SPIRE2: variants seen among roughly 807,000 people sequenced by gnomAD.
SPIRE2 encodes the protein spire type actin nucleation factor 2, also known as protein spire homolog 2.
Under a neutral mutation model 80.7 loss-of-function variants are expected in SPIRE2, and 76 were observed. The ratio of observed to expected loss-of-function variants is 0.94; its 90% confidence interval spans 0.78 to 1.14. SPIRE2 has a LOEUF of 1.14. SPIRE2 is among the 50% of genes most tolerant of loss of function. The probability of loss-of-function intolerance (pLI) is 0.00; values close to 1 mark genes in which losing one functional copy is unlikely to be tolerated. For synonymous variants in SPIRE2, 535 were observed against 432.6 expected, an observed-to-expected ratio of 1.24 and a Z score of -2.94; for missense variants, 1,196 against 1,015.3, an observed-to-expected ratio of 1.18 and a Z score of -2.42.
At chr16:89,844,639 C>G (rs927539639) in intron 1 of SPIRE2, among the ~76,000 whole-genome samples, 1 of 152,130 alleles carries the variant, frequency 6.6e-6, no homozygotes, top group African/African-American at 2.4e-5. Flanking sequence ...GGGGTTTCAC[C>G]GTGTTAGCCA....
chr16:89,830,155 C>T (rs976402921), intron 1 of SPIRE2, among the ~76,000 whole-genome samples: 3 of 151,246 alleles, frequency 2.0e-5, no homozygotes, highest in African/African-American at 7.3e-5. Flanking sequence ...CAGCCGCCTG[C>T]TTCCTGTTGG....
chr16:89,867,751 A>T (rs916254341), intron 12 of SPIRE2, among the ~76,000 whole-genome samples: 2 of 151,652 alleles, frequency 1.3e-5, no homozygotes, highest in African/African-American at 4.8e-5. Context: ...CGCCCAACTC[A>T]TTTTTGTATT....
At chr16:89,839,881 G>T (rs973588179) in intron 1 of SPIRE2, among the ~76,000 whole-genome samples, 2 of 152,232 alleles carry the variant, frequency 1.3e-5, no homozygotes, top group Admixed American at 6.5e-5. Flanking sequence ...GGCCCTGGTG[G>T]CCTCACTGCC....
At chr16:89,857,569 C>A (rs1331917362) in intron 7 of SPIRE2, among the ~76,000 whole-genome samples, 1 of 151,370 alleles carries the variant, frequency 6.6e-6, no homozygotes, top group Non-Finnish European at 1.5e-5. Flanking sequence ...TTTTTCTTTT[C>A]TTTTCCTTTT....
chr16:89,842,072 T>C (rs1449560334), intron 1 of SPIRE2, among the ~76,000 whole-genome samples: 1 of 151,966 alleles, frequency 6.6e-6, no homozygotes. Context: ...CTGAGTTTTA[T>C]AACATCCTGG....
chr16:89,845,755 C>T (rs991299626), intron 2 of SPIRE2: 4 of 609,866 alleles, frequency 6.6e-6, no homozygotes, highest in South Asian at 3.8e-5. Context: ...AAACCCCACC[C>T]GACCAAAACT....
intron 1 of SPIRE2, among the ~76,000 whole-genome samples, chr16:89,842,492 C>T (rs895851067): frequency 6.6e-6 from 1 of 152,170 alleles, no homozygotes; most frequent in Non-Finnish European, 1.5e-5. Flanking sequence ...GGATTACAGG[C>T]GTGAGCCACC....
At chr16:89,845,202 G>A (rs1302474398) in intron 1 of SPIRE2, 120 bp from the exon 2 acceptor site, 21 of 899,942 alleles carry the variant, frequency 2.3e-5, no homozygotes, top group Non-Finnish European at 2.6e-5. Flanking sequence ...TGAGCTTTCT[G>A]GTGTTCCGGC....
chr16:89,865,085 T>A (rs2041777958), intron 12 of SPIRE2, among the ~76,000 whole-genome samples: 1 of 151,228 alleles, frequency 6.6e-6, no homozygotes, highest in Non-Finnish European at 1.5e-5. Flanking sequence ...TGGCTCACTG[T>A]AAGCTCCGCC....
Position 89,863,536 on chromosome 16 carries a change from C to T in SPIRE2, c.1636C>T (p.Arg546Cys), listed in dbSNP as rs142258282. ...LTVEEVMDVRRVLVKAEMEKF... is the reference protein window; with the variant it reads ...LTVEEVMDVRCVLVKAEMEKF... ...TGTGGAAGAGGTGATGGACGTGCGCCGTGTGCTGGTGAAGGCCGAGATGGA... is the reference window on the plus strand; with the variant it reads ...TGTGGAAGAGGTGATGGACGTGCGCTGTGTGCTGGTGAAGGCCGAGATGGA... Residue 546 changes from arginine (R) to cysteine (C), a missense_variant, in exon 11 of 15, where the codon CGT (arginine) becomes TGT (cysteine). Physicochemically the swap from Arg to Cys is radical, Grantham distance 180 (BLOSUM62 -3). Coordinates refer to ENST00000378247, the MANE Select transcript of SPIRE2 (RefSeq NM_032451.2). The surrounding 1 kb of genome is among the most constrained non-coding windows in gnomAD (Gnocchi z 4.3). 157 of 1,613,944 alleles carry T rather than the reference C, an allele frequency of 9.7e-5. No individual in the cohort carries two copies. Among genetic ancestry groups the T allele is most frequent in the Non-Finnish European group, 1.2e-4 (146 of 1,180,038 alleles).
chr16:89,841,537 C>T (rs959497639), intron 1 of SPIRE2, among the ~76,000 whole-genome samples: 2 of 152,090 alleles, frequency 1.3e-5, no homozygotes, highest in Non-Finnish European at 2.9e-5. Flanking sequence ...GGGTTGCTTG[C>T]TGTGGTCTGG....
In SPIRE2 at chr16:89,852,975, G is replaced by C. The variant is rs1204634849; in HGVS notation, c.646-1311G>C. ...CTTCCATCCTCCCTCTCACCCCCCGGATCCCATGGCCCGTCTTCCATCCTC... is the reference window on the plus strand; with the variant it reads ...CTTCCATCCTCCCTCTCACCCCCCGCATCCCATGGCCCGTCTTCCATCCTC... On this transcript the variant is annotated intron_variant, in intron 3 of 14. Transcript: ENST00000378247. 1.0e-3 allele frequency among the ~76,000 whole-genome samples: 76 copies of C among 73,336 alleles called. 1 individual carries two copies. Among genetic ancestry groups the C allele is most frequent in the South Asian group, 2.1e-3 (4 of 1,884 alleles). The allele number at this position is 73,336 out of a possible 152,430, so 48.1% of individuals were successfully genotyped here.
intron 2 of SPIRE2, among the ~76,000 whole-genome samples, chr16:89,847,456 C>A (rs1282190228): frequency 6.6e-6 from 1 of 152,204 alleles, no homozygotes; most frequent in Non-Finnish European, 1.5e-5. Context: ...TGCTGCCTAC[C>A]GCCTGGAAGA....
intron 1 of SPIRE2, among the ~76,000 whole-genome samples, chr16:89,834,890 G>C (rs572878414): frequency 6.7e-6 from 1 of 148,152 alleles, no homozygotes; most frequent in African/African-American, 2.5e-5. Context: ...ACTCGCAGCT[G>C]GCCGTCGTAG....
chr16:89,858,861 T>C (rs2041716703), intron 8 of SPIRE2, among the ~76,000 whole-genome samples: 1 of 152,218 alleles, frequency 6.6e-6, no homozygotes, highest in African/African-American at 2.4e-5. Flanking sequence ...CTGGCTGCCC[T>C]GTGAATGGGA....
intron 10 of SPIRE2, 152 bp downstream of exon 10, chr16:89,860,947 G>C: frequency 1.8e-6 from 1 of 564,916 alleles, no homozygotes; most frequent in Non-Finnish European, 3.1e-6. Flanking sequence ...TCTGAACATG[G>C]GGCACCAGTG....
chr16:89,829,866 G>A lies in SPIRE2; in HGVS notation c.244+1072G>A, dbSNP rs897259853. Among the ~76,000 whole-genome samples, 9 of 151,550 alleles carry A rather than the reference G, an allele frequency of 5.9e-5. 1 individual carries two copies. The highest frequency in any genetic ancestry group is 4.6e-4 in the Admixed American group (7 of 15,272). ...CAGTGGCAGCGTTCAGATTCACTGT[G>A]GCGTCCCTCAGGGCTGTGCCCACTG... On this transcript the variant is annotated intron_variant, in intron 1 of 14. Transcript: ENST00000378247.
chr16:89,856,274 C>T, intron 7 of SPIRE2, 38 bp downstream of exon 7: 2 of 1,537,580 alleles, frequency 1.3e-6, no homozygotes, highest in South Asian at 1.2e-5. Context: ...AGCCCTGAGC[C>T]CCCGGCTGGG....
At chr16:89,867,967 C>T (rs1007926465) in intron 12 of SPIRE2, among the ~76,000 whole-genome samples, 8 of 152,320 alleles carry the variant, frequency 5.3e-5, no homozygotes, top group Middle Eastern at 3.4e-3. Context: ...CTGGAGCCAT[C>T]CTTCCTGAGA....
Sources: gnomAD v4.1 joint callset for allele counts (sites outside exome capture counted in the v4.1 genomes callset) on GRCh38, gnomAD v4.1.1 for gene constraint, Gnocchi (gnomAD v3.1) non-coding constraint, MANE v1.5 for transcripts, NCBI Gene and HGNC (gene_info 2026-07-23, HGNC 2026-07-21) for gene names.